RBMS1: variants seen among roughly 807,000 people sequenced by gnomAD.
RBMS1 encodes RNA binding motif single stranded interacting protein 1.
RBMS1 carries 17 observed loss-of-function variants against 62.3 expected under a neutral mutation model. The observed-to-expected ratio is 0.27, with a 90% CI of 0.19 to 0.41. RBMS1 has a LOEUF of 0.41. RBMS1 is among the 10% of genes least tolerant of loss of function. The pLI is 1.00. For synonymous variants in RBMS1, 172 were observed against 170.0 expected, an observed-to-expected ratio of 1.01 and a Z score of -0.09; for missense variants, 334 against 504.5, an observed-to-expected ratio of 0.66 and a Z score of 3.24.
rs555628342 is a variant in RBMS1 at position 160,492,825 on chromosome 2, G to T, written c.75+464C>A. On this transcript the variant is annotated intron_variant, in intron 1 of 13. Coordinates refer to ENST00000348849, the MANE Select transcript of RBMS1 (RefSeq NM_016836.4). ...TCATCGCGTGCGCGGGAGGTGGAGG[G>T]GCGTCCCTGGGGGGCGGGAGGCTCC... 415 of 154,424 alleles carry T rather than the reference G, an allele frequency of 2.7e-3. 3 individuals are homozygous for T. The highest frequency in any genetic ancestry group is 4.7e-3 in the Non-Finnish European group (326 of 69,540). The allele number at this position is 154,424 out of a possible 1,614,324, so 9.6% of individuals were successfully genotyped here. A position where few individuals can be genotyped will look rare whatever the true frequency, so the allele number is the denominator to read the frequency against.
At chr2:160,446,127 A>G (rs1243898127) in intron 1 of RBMS1, among the ~76,000 whole-genome samples, 1 of 152,244 alleles carries the variant, frequency 6.6e-6, no homozygotes, top group Non-Finnish European at 1.5e-5. Flanking sequence ...CATTGAAATC[A>G]GAGTTTAAAT....
intron 1 of RBMS1, among the ~76,000 whole-genome samples, chr2:160,380,600 A>G (rs1464026048): frequency 6.6e-6 from 1 of 152,268 alleles, no homozygotes; most frequent in East Asian, 1.9e-4. Context: ...CTAAAATTCA[A>G]GTCTTCGGAT....
Position 160,361,835 on chromosome 2 carries a change from A to G in RBMS1, c.251+5381T>C, listed in dbSNP as rs757312072. ...CACAGTGAGACCCCAATCTCTTAAAAAATATTTTATTATAAAAAAGTGTTA... is the reference window on the plus strand; with the variant it reads ...CACAGTGAGACCCCAATCTCTTAAAGAATATTTTATTATAAAAAAGTGTTA... On this transcript the variant is annotated intron_variant, in intron 2 of 13. Coordinates refer to ENST00000348849, the MANE Select transcript of RBMS1 (RefSeq NM_016836.4). Among the ~76,000 whole-genome samples, 42 of 152,160 alleles carry G rather than the reference A, an allele frequency of 2.8e-4. 1 individual carries two copies. Among genetic ancestry groups the G allele is most frequent in the Non-Finnish European group, 4.7e-4 (32 of 68,018 alleles).
At chr2:160,324,882 G>GTATGTATATATATATATATATA (rs1690808529) in intron 2 of RBMS1, among the ~76,000 whole-genome samples, 1 of 100,012 alleles carries the variant, frequency 1.0e-5, no homozygotes, top group African/African-American at 4.2e-5. Flanking sequence ...GTGTGTGTGT[G>GTATGTATATATATATATATATA]TATATATATA....
intron 1 of RBMS1, among the ~76,000 whole-genome samples, chr2:160,368,214 C>A (rs1413783141): frequency 6.6e-6 from 1 of 152,206 alleles, no homozygotes; most frequent in East Asian, 1.9e-4. Flanking sequence ...AATGGCTCAG[C>A]TTGAGACAAA....
intron 12 of RBMS1, among the ~76,000 whole-genome samples, chr2:160,276,392 G>A (rs936207964): frequency 1.4e-5 from 2 of 147,670 alleles, no homozygotes; most frequent in Non-Finnish European, 3.0e-5. Flanking sequence ...TACTACTACT[G>A]CTACTACTAT....
intron 4 of RBMS1, among the ~76,000 whole-genome samples, chr2:160,305,533 T>C (rs780130892): frequency 2.0e-5 from 3 of 152,178 alleles, no homozygotes; most frequent in Non-Finnish European, 4.4e-5. Flanking sequence ...CACTCTATGA[T>C]GTGCACATGA....
chr2:160,474,157 A>T (rs138092480), intron 1 of RBMS1, among the ~76,000 whole-genome samples: 67 of 152,086 alleles, frequency 4.4e-4, no homozygotes, highest in African/African-American at 1.1e-3. Context: ...AAAATATATT[A>T]AAAAAAAGGT....
intron 9 of RBMS1, chr2:160,282,379 G>GGGAAA: frequency 1.6e-6 from 2 of 1,287,162 alleles, no homozygotes; most frequent in Non-Finnish European, 2.1e-6. Context: ...TTCCCCATTG[G>GGGAAA]GGTTGGTGGT....
At chr2:160,275,787 G>C in intron 12 of RBMS1, 73 bp from the exon 13 acceptor site, 6 of 1,595,740 alleles carry the variant, frequency 3.8e-6, no homozygotes, top group Non-Finnish European at 5.1e-6. Flanking sequence ...AGGCCTGACT[G>C]AATCCAACAG....
intron 1 of RBMS1, among the ~76,000 whole-genome samples, chr2:160,474,665 G>A (rs984480613): frequency 1.3e-5 from 2 of 152,158 alleles, no homozygotes; most frequent in African/African-American, 4.8e-5. Context: ...TCTTGAGTAC[G>A]TATGTACAGG....
intron 1 of RBMS1, among the ~76,000 whole-genome samples, chr2:160,483,752 T>C (rs1685465914): frequency 1.3e-5 from 2 of 152,078 alleles, no homozygotes; most frequent in Non-Finnish European, 2.9e-5. Context: ...AAGAAGCAAA[T>C]TGGAGAACAG....
chr2:160,340,742 A>C (rs1450636049), intron 2 of RBMS1, among the ~76,000 whole-genome samples: 1 of 152,222 alleles, frequency 6.6e-6, no homozygotes, highest in Non-Finnish European at 1.5e-5. Context: ...GTATTTGTCC[A>C]TCCATTAATG....
chr2:160,346,157 C>G (rs1692162537), intron 2 of RBMS1, among the ~76,000 whole-genome samples: 1 of 151,980 alleles, frequency 6.6e-6, no homozygotes, highest in African/African-American at 2.4e-5. Context: ...AGCTTTGGCT[C>G]TTGACCTCTT....
intron 1 of RBMS1, among the ~76,000 whole-genome samples, chr2:160,440,202 G>C (rs939748753): frequency 6.6e-6 from 1 of 151,700 alleles, no homozygotes; most frequent in Non-Finnish European, 1.5e-5. Context: ...TCTGCCTCCT[G>C]GGTTCTCAAT....
rs1683878352 is a variant in RBMS1, at chr2:160,449,701, GGTCCTCT to G, written c.75+43581_75+43587del. Among the ~76,000 whole-genome samples, 7 of 152,050 alleles carry G rather than the reference GGTCCTCT, an allele frequency of 4.6e-5. No individual in the cohort carries two copies. The South Asian group carries it at 1.5e-3, about 32-fold the overall frequency. Reference sequence around the variant, plus strand: ...ACACAAACACTGCGGAAGGCCCTAGGGTCCTCTGCCTAGGAAAACCAGAGACCCTTGT... The same window carrying G: ...ACACAAACACTGCGGAAGGCCCTAGGGCCTAGGAAAACCAGAGACCCTTGT... On this transcript the variant is annotated intron_variant, in intron 1 of 13. Coordinates refer to ENST00000348849, the MANE Select transcript of RBMS1 (RefSeq NM_016836.4).
rs556525546 is a variant in RBMS1, at chr2:160,273,828, T to C, written c.*944A>G. Reference sequence around the variant, plus strand: ...TTTACATTGCATCATACAGCAGATATCCTAAATCAGTCAAACTATCAGAGG... The same window carrying C: ...TTTACATTGCATCATACAGCAGATACCCTAAATCAGTCAAACTATCAGAGG... On this transcript the variant is annotated 3_prime_UTR_variant, in exon 14 of 14. Coordinates refer to ENST00000348849, the MANE Select transcript of RBMS1 (RefSeq NM_016836.4). 473 of 149,066 alleles carry C rather than the reference T, an allele frequency of 3.2e-3. 5 individuals are homozygous for C. The highest frequency in any genetic ancestry group is 0.011 in the African/African-American group (462 of 40,584). 9.2% of individuals were successfully genotyped at this position (149,066 alleles called of 1,614,324 possible).
At chr2:160,450,370 A>G (rs1426171755) in intron 1 of RBMS1, among the ~76,000 whole-genome samples, 1 of 151,928 alleles carries the variant, frequency 6.6e-6, no homozygotes, top group African/African-American at 2.4e-5. Flanking sequence ...GTGAAACCCC[A>G]TCTCTACTAA....
intron 1 of RBMS1, among the ~76,000 whole-genome samples, chr2:160,471,168 T>A (rs1435844659): frequency 5.3e-5 from 8 of 152,046 alleles, no homozygotes; most frequent in Admixed American, 5.2e-4. Flanking sequence ...AGGAGCCCAA[T>A]ATGAACCAAA....
Sources: gnomAD v4.1 joint callset for allele counts (sites outside exome capture counted in the v4.1 genomes callset) on GRCh38, gnomAD v4.1.1 for gene constraint, MANE v1.5 for transcripts, NCBI Gene and HGNC (gene_info 2026-07-23, HGNC 2026-07-21) for gene names.